Variants in CLIC2 observed in about 807,000 individuals in gnomAD.
CLIC2 encodes the protein chloride intracellular channel protein 2.
Under a neutral mutation model 14.8 loss-of-function variants are expected in CLIC2, and 9 were observed. The ratio of observed to expected loss-of-function variants is 0.61; its 90% CI spans 0.37 to 1.06. The LOEUF (loss-of-function observed/expected upper bound fraction) is 1.06, where lower values mean the gene tolerates loss of function less well. Among genes scored for constraint, CLIC2 ranks in the 50% least tolerant of loss-of-function variants. The pLI, the probability that CLIC2 is intolerant of heterozygous loss-of-function variation, is 0.01. For synonymous variants in CLIC2, 61 were observed against 66.3 expected (o/e 0.92, Z 0.39); for missense variants, 148 against 181.4 (o/e 0.82, Z 1.06).
intron 1 of CLIC2, among the ~76,000 whole-genome samples, chrX:155,331,423 G>A (rs1483123314): frequency 9.0e-6 from 1 of 111,455 alleles, no homozygotes; most frequent in Non-Finnish European, 1.9e-5. Context: ...TCTTCAGCTG[G>A]CAAAGACAGG....
At chrX:155,329,292 A>G (rs981241314) in intron 1 of CLIC2, among the ~76,000 whole-genome samples, 35 of 109,176 alleles carry the variant, frequency 3.2e-4, no homozygotes, top group African/African-American at 1.1e-3. Flanking sequence ...AATGGGCAAA[A>G]GATGTGAATA....
At chrX:155,330,570 C>A (rs1346266495) in intron 1 of CLIC2, among the ~76,000 whole-genome samples, 1 of 111,452 alleles carries the variant, frequency 9.0e-6, no homozygotes, top group Non-Finnish European at 1.9e-5. Flanking sequence ...GTGGAACTCT[C>A]ACATAATGAA....
chrX:155,290,500 AT>A, intron 3 of CLIC2: 1 of 545,650 alleles, frequency 1.8e-6, no homozygotes, highest in East Asian at 3.3e-5. Flanking sequence ...AATCTTTCTA[AT>A]TACATCCATT....
At chrX:155,313,637 T>C (rs1416463910) in intron 1 of CLIC2, among the ~76,000 whole-genome samples, 2 of 112,218 alleles carry the variant, frequency 1.8e-5, no homozygotes, top group African/African-American at 3.2e-5. Context: ...TCATGATCTT[T>C]TGCTCCAAGA....
At chrX:155,287,272 G>A (rs782806137) in intron 3 of CLIC2, among the ~76,000 whole-genome samples, 35 of 111,782 alleles carry the variant, frequency 3.1e-4, no homozygotes, top group African/African-American at 4.5e-4. Context: ...GTAGGTGTGC[G>A]GCCTTATTAC....
At chrX:155,287,623 G>A (rs1300095328) in intron 3 of CLIC2, among the ~76,000 whole-genome samples, 1 of 111,960 alleles carries the variant, frequency 8.9e-6, no homozygotes, top group Non-Finnish European at 1.9e-5. Context: ...TGTTGTATCA[G>A]TACCATGCTG....
chrX:155,315,969 A>G (rs2075093722), intron 1 of CLIC2, among the ~76,000 whole-genome samples: 1 of 111,992 alleles, frequency 8.9e-6, no homozygotes, highest in Non-Finnish European at 1.9e-5. Context: ...AGCTATTCTT[A>G]TATCAGACAA....
intron 3 of CLIC2, among the ~76,000 whole-genome samples, chrX:155,284,160 C>T (rs1176926150): frequency 1.8e-5 from 2 of 110,945 alleles, no homozygotes; most frequent in African/African-American, 3.3e-5. Flanking sequence ...TGGGTCCATG[C>T]ATAGTCTTCT....
chrX:155,299,248 T>C, intron 1 of CLIC2, 103 bp from the exon 2 acceptor site: 1 of 598,867 alleles, frequency 1.7e-6, no homozygotes, highest in Non-Finnish European at 2.8e-6. Context: ...ACATGGACAT[T>C]CTTAATCTCA....
At chrX:155,281,012 T>C (rs1424397749) in intron 3 of CLIC2, among the ~76,000 whole-genome samples, 1 of 105,080 alleles carries the variant, frequency 9.5e-6, no homozygotes, top group Non-Finnish European at 1.9e-5. Context: ...TATATATATA[T>C]ATGTAATAGA....
chrX:155,282,135 G>A (rs1557316569), intron 3 of CLIC2, among the ~76,000 whole-genome samples: 1 of 111,588 alleles, frequency 9.0e-6, no homozygotes, highest in South Asian at 3.7e-4. Flanking sequence ...TCCTACCCCA[G>A]AGCCTTTTAA....
chrX:155,301,393 G>T (rs1463344358), intron 1 of CLIC2, among the ~76,000 whole-genome samples: 2 of 110,881 alleles, frequency 1.8e-5, no homozygotes, highest in East Asian at 5.6e-4. Flanking sequence ...TGTTGTTGGT[G>T]TATAAGAATG....
At chrX:155,285,583 A>C (rs952459762) in intron 3 of CLIC2, among the ~76,000 whole-genome samples, 35 of 111,517 alleles carry the variant, frequency 3.1e-4, no homozygotes, top group African/African-American at 1.0e-3. Context: ...TGAGCTGTAA[A>C]TGGAAATTTT....
intron 1 of CLIC2, among the ~76,000 whole-genome samples, chrX:155,305,179 C>T (rs2075048118): frequency 8.9e-6 from 1 of 112,171 alleles, no homozygotes; most frequent in Admixed American, 9.4e-5. Flanking sequence ...CTCCCCCAGC[C>T]TCGCTGCCAC....
intron 1 of CLIC2, among the ~76,000 whole-genome samples, chrX:155,324,834 A>C (rs1557322153): frequency 8.9e-6 from 1 of 111,968 alleles, no homozygotes; most frequent in Non-Finnish European, 1.9e-5. Flanking sequence ...GGCAACCTAC[A>C]GAATGGAGAA....
Position 155,294,509 on chromosome X carries a change from C to G in CLIC2, c.293+4276G>C, listed in dbSNP as rs1289424023. 2.7e-5 allele frequency among the ~76,000 whole-genome samples: 3 copies of G among 111,299 alleles called. No homozygotes were observed. The East Asian group carries it at 8.4e-4, about 31-fold the overall frequency. ...TGTGAAGCTGCTAGAAAAGCAAGAA[C>G]AAACCAAATACCAAATTAGCAGAAA... On this transcript the variant is annotated intron_variant, in intron 3 of 5. Coordinates refer to ENST00000369449, the MANE Select transcript of CLIC2 (RefSeq NM_001289.6).
intron 3 of CLIC2, among the ~76,000 whole-genome samples, chrX:155,282,483 G>A (rs1387731057): frequency 9.0e-6 from 1 of 111,082 alleles, no homozygotes; most frequent in Admixed American, 9.6e-5. Flanking sequence ...GCCCTGGACA[G>A]GCCATGATTA....
chrX:155,334,378 A>T lies in CLIC2; in HGVS notation c.50T>A (p.Phe17Tyr). The stretch of plus-strand genomic sequence containing the variant: ...TATAACTGGAAAACTTACCTTTACA[A>T]AAAGCTCAATCTCAGGGTCCACTTG... ...GTQVDPEIEL[F>Y]VKAGSDGESI... Residue 17 changes from phenylalanine (F) to tyrosine (Y), a missense_variant, in exon 1 of 6, where the codon TTT becomes TAT. Transcript: ENST00000369449. 1 of 1,207,338 alleles carries T rather than the reference A, an allele frequency of 8.3e-7. No homozygotes were observed. The highest frequency in any genetic ancestry group is 1.1e-6 in the Non-Finnish European group (1 of 891,605).
intron 1 of CLIC2, among the ~76,000 whole-genome samples, chrX:155,305,659 T>A (rs2075052885): frequency 8.9e-6 from 1 of 112,797 alleles, no homozygotes; most frequent in Non-Finnish European, 1.9e-5. Context: ...ATTTCCTTAT[T>A]TTGTGAATTG....
Sources: allele counts gnomAD v4.1 joint callset (sites outside exome capture counted in the v4.1 genomes callset), GRCh38; gene constraint gnomAD v4.1.1; transcripts MANE v1.5; gene names NCBI Gene and HGNC (gene_info 2026-07-23, HGNC 2026-07-21).